Variants in PRIMA1 observed in about 807,000 individuals in gnomAD.
The protein encoded by PRIMA1 is proline rich membrane anchor 1.
Under a neutral mutation model 17.5 loss-of-function variants are expected in PRIMA1, and 7 were observed. The ratio of observed to expected loss-of-function variants is 0.40; its 90% CI spans 0.23 to 0.75. PRIMA1 has a LOEUF of 0.75. Among genes scored for constraint, PRIMA1 ranks in the 30% least tolerant of loss-of-function variants. The probability of loss-of-function intolerance (pLI) is 0.37; values close to 1 mark genes in which losing one functional copy is unlikely to be tolerated. For missense variants in PRIMA1, 200 were observed against 201.8 expected (o/e 0.99, Z 0.05); for synonymous variants, 97 against 77.9 (o/e 1.25, Z -1.29).
intron 3 of PRIMA1, among the ~76,000 whole-genome samples, chr14:93,771,213 C>T (rs1374628867): frequency 1.6e-5 from 2 of 125,042 alleles, no homozygotes; most frequent in Non-Finnish European, 3.4e-5. Context: ...GTAAGCAACT[C>T]CTCTGACACT....
At position 93,787,661 on chromosome 14, in the gene PRIMA1, G is replaced by T; in HGVS notation, c.58C>A (p.His20Asn). ...RGCCWSSLLL[H>N]CALHPLWGFV... ...CCCCAGAGCGGGTGGAGCGCGCAGTGCAGCAGCAGCGAGGACCAGCAGCAG... is the reference window on the plus strand; with the variant it reads ...CCCCAGAGCGGGTGGAGCGCGCAGTTCAGCAGCAGCGAGGACCAGCAGCAG... The change falls in exon 2 of 5, where the codon CAC becomes AAC. Residue 20 changes from histidine (H) to asparagine (N), a missense_variant. His to Asn is a moderately conservative substitution (Grantham distance 68, BLOSUM62 1). Coordinates refer to ENST00000393140, the MANE Select transcript of PRIMA1 (RefSeq NM_178013.4). 6.5e-7 allele frequency: 1 copy of T among 1,543,620 alleles called. No individual in the cohort carries two copies.
At chr14:93,788,844 AGCCCTCCC>A (rs1167436674), upstream of PRIMA1, among the ~76,000 whole-genome samples, 3 of 151,312 alleles carry the variant, frequency 2.0e-5, no homozygotes, top group Non-Finnish European at 4.4e-5. Context: ...CGGCCGCGCG[AGCCCTCCC>A]CGGGCCCGCG....
rs767627206 is a variant in PRIMA1, at chr14:93,726,458, C to T, written c.360-4912G>A. On this transcript the variant is annotated intron_variant, in intron 4 of 4. Coordinates refer to ENST00000393140, the MANE Select transcript of PRIMA1 (RefSeq NM_178013.4). This position sits in a 1 kb window ranked among gnomAD's most constrained non-coding sequence, Gnocchi z 4.2. ...ACCTCTTATGAAGGTATTCATCCCC[C>T]GACTGCCCACCCCGACACCCTCCCA... Among the ~76,000 whole-genome samples, 25 of 152,034 alleles carry T rather than the reference C, an allele frequency of 1.6e-4. No homozygotes were observed. The highest frequency in any genetic ancestry group is 2.8e-4 in the Non-Finnish European group (19 of 68,002).
intron 3 of PRIMA1, among the ~76,000 whole-genome samples, chr14:93,746,100 T>G (rs2076215749): frequency 6.6e-6 from 1 of 152,062 alleles, no homozygotes; most frequent in Non-Finnish European, 1.5e-5. Flanking sequence ...GAGGTCGGTT[T>G]TCAGGGGTCG....
chr14:93,781,822 T>A (rs1885383480), intron 2 of PRIMA1, among the ~76,000 whole-genome samples: 1 of 139,218 alleles, frequency 7.2e-6, no homozygotes, highest in Admixed American at 7.5e-5. Flanking sequence ...AAAAAAAAAA[T>A]ACAAAAATTA....
intron 3 of PRIMA1, among the ~76,000 whole-genome samples, chr14:93,767,963 G>C (rs557168757): frequency 1.3e-5 from 2 of 152,264 alleles, no homozygotes; most frequent in South Asian, 2.1e-4. Context: ...TTAGGGGTGA[G>C]GAATATGATC....
chr14:93,734,711 G>A (rs1372257926), intron 4 of PRIMA1, among the ~76,000 whole-genome samples: 2 of 151,278 alleles, frequency 1.3e-5, no homozygotes, highest in African/African-American at 2.4e-5. Flanking sequence ...CCCCGCCCAT[G>A]CCTCTAGAAG....
intron 3 of PRIMA1, among the ~76,000 whole-genome samples, chr14:93,742,742 A>T (rs1251098431): frequency 6.6e-6 from 1 of 152,120 alleles, no homozygotes; most frequent in Non-Finnish European, 1.5e-5. Flanking sequence ...ATCAGAGGAG[A>T]TGATGGAGGC....
At chr14:93,766,768 T>C (rs997981466) in intron 3 of PRIMA1, among the ~76,000 whole-genome samples, 1 of 152,174 alleles carries the variant, frequency 6.6e-6, no homozygotes, top group Non-Finnish European at 1.5e-5. Context: ...TATTTTCCCA[T>C]GAACAGCAAA....
intron 3 of PRIMA1, among the ~76,000 whole-genome samples, chr14:93,760,133 A>G (rs1440874731): frequency 6.6e-6 from 1 of 152,208 alleles, no homozygotes; most frequent in Non-Finnish European, 1.5e-5. Context: ...TGCCAGGGGG[A>G]ACAAAACAAG....
chr14:93,777,664 T>TA (rs1384005985), intron 3 of PRIMA1, among the ~76,000 whole-genome samples: 1 of 152,220 alleles, frequency 6.6e-6, no homozygotes, highest in African/African-American at 2.4e-5. Context: ...AGACCCCTGT[T>TA]ACTATTTACT....
In PRIMA1 at chr14:93,782,231, G is replaced by A. The variant is rs537355640; in HGVS notation, c.94-2920C>T. Among the ~76,000 whole-genome samples the A allele has an allele frequency of 1.3e-3, 197 of 152,256 alleles. 1 individual carries two copies. Among genetic ancestry groups the A allele is most frequent in the African/African-American group, 4.4e-3 (183 of 41,548 alleles). ...TGCAGTGAGCTGAGATCATGCTACCGCACTCCAGCCTGGGCGACAGAGCAA... is the reference window on the plus strand; with the variant it reads ...TGCAGTGAGCTGAGATCATGCTACCACACTCCAGCCTGGGCGACAGAGCAA... On this transcript the variant is annotated intron_variant, in intron 2 of 4. Coordinates refer to ENST00000393140, the MANE Select transcript of PRIMA1 (RefSeq NM_178013.4).
intron 3 of PRIMA1, among the ~76,000 whole-genome samples, chr14:93,767,776 T>C (rs549270681): frequency 6.6e-6 from 1 of 152,280 alleles, no homozygotes; most frequent in East Asian, 1.9e-4. Context: ...CCATTCTGCC[T>C]GGAGACAGCG....
intron 3 of PRIMA1, among the ~76,000 whole-genome samples, chr14:93,741,271 G>T (rs1348864365): frequency 2.0e-5 from 3 of 152,322 alleles, no homozygotes; most frequent in South Asian, 2.1e-4. Context: ...TCAGAAAAGA[G>T]AATACAATAT....
intron 3 of PRIMA1, among the ~76,000 whole-genome samples, chr14:93,759,161 G>C (rs1300689116): frequency 6.6e-6 from 1 of 152,168 alleles, no homozygotes; most frequent in Non-Finnish European, 1.5e-5. Flanking sequence ...TTGAAGTCTG[G>C]CTGCTTGGAA....
intron 3 of PRIMA1, among the ~76,000 whole-genome samples, chr14:93,778,377 A>G (rs1885282060): frequency 6.6e-6 from 1 of 152,226 alleles, no homozygotes; most frequent in Admixed American, 6.5e-5. Context: ...TGCATCACTG[A>G]CTGGGGACCA....
chr14:93,721,656 G>C (rs2076039658), intron 4 of PRIMA1, 110 bp from the exon 5 acceptor site: 2 of 690,578 alleles, frequency 2.9e-6, no homozygotes, highest in South Asian at 3.4e-5. Context: ...TGCTCCGTGA[G>C]AGTGTCAGAA....
chr14:93,724,671 A>G (rs2076063052), intron 4 of PRIMA1, among the ~76,000 whole-genome samples: 1 of 152,232 alleles, frequency 6.6e-6, no homozygotes, highest in Non-Finnish European at 1.5e-5. Context: ...TATATCACGA[A>G]TACATGAAGG....
At chr14:93,754,729 T>C (rs1019443039) in intron 3 of PRIMA1, among the ~76,000 whole-genome samples, 6 of 152,198 alleles carry the variant, frequency 3.9e-5, no homozygotes, top group African/African-American at 1.2e-4. Context: ...CAGTGGACAT[T>C]GAGCCCCTCA....
Sources: gnomAD v4.1 joint callset for allele counts (sites outside exome capture counted in the v4.1 genomes callset) on GRCh38, gnomAD v4.1.1 for gene constraint, Gnocchi (gnomAD v3.1) non-coding constraint, MANE v1.5 for transcripts, NCBI Gene and HGNC (gene_info 2026-07-23, HGNC 2026-07-21) for gene names.